Variants in SYN3 observed in about 807,000 individuals in gnomAD.
The protein encoded by SYN3 is synapsin III, also known as synapsin-3.
SYN3 carries 35 observed loss-of-function variants against 65.8 expected under a neutral mutation model. The ratio of observed to expected loss-of-function variants is 0.53; its 90% confidence interval spans 0.41 to 0.70. The LOEUF (loss-of-function observed/expected upper bound fraction) is 0.70. SYN3 is among the 30% of genes least tolerant of loss of function. The pLI is 0.00. For synonymous variants in SYN3, 270 were observed against 292.9 expected (o/e 0.92, Z 0.80); for missense variants, 680 against 749.0 (o/e 0.91, Z 1.08).
At chr22:32,830,794 G>C (rs1214707346) in intron 6 of SYN3, among the ~76,000 whole-genome samples, 1 of 152,154 alleles carries the variant, frequency 6.6e-6, no homozygotes, top group Non-Finnish European at 1.5e-5. Flanking sequence ...ACGCTTCTCT[G>C]TGGCCCCTGG....
intron 6 of SYN3, among the ~76,000 whole-genome samples, chr22:32,852,066 T>C (rs2048232961): frequency 6.6e-6 from 1 of 152,244 alleles, no homozygotes; most frequent in Admixed American, 6.5e-5. Context: ...GAGCAATTGC[T>C]TAGTGCCAGG....
At chr22:32,738,239 C>T (rs1323480694) in intron 6 of SYN3, among the ~76,000 whole-genome samples, 3 of 152,164 alleles carry the variant, frequency 2.0e-5, no homozygotes, top group Non-Finnish European at 4.4e-5. Flanking sequence ...GAAAGACTCT[C>T]TCTGGGAGGC....
At chr22:32,824,329 C>T (rs1170440722) in intron 6 of SYN3, among the ~76,000 whole-genome samples, 5 of 143,416 alleles carry the variant, frequency 3.5e-5, no homozygotes. Context: ...CCTGAGCCAG[C>T]AGTTCCATCA....
At chr22:32,939,446 G>A (rs1024087028) in intron 3 of SYN3, among the ~76,000 whole-genome samples, 1 of 152,148 alleles carries the variant, frequency 6.6e-6, no homozygotes, top group South Asian at 2.1e-4. Context: ...TATTTATGCT[G>A]TGTAATCAAT....
At chr22:32,846,940 G>A (rs1210100736) in intron 6 of SYN3, among the ~76,000 whole-genome samples, 1 of 152,230 alleles carries the variant, frequency 6.6e-6, no homozygotes, top group African/African-American at 2.4e-5. Flanking sequence ...GGAGTTGGCT[G>A]GTTGTATGTG....
intron 6 of SYN3, among the ~76,000 whole-genome samples, chr22:32,797,090 T>G (rs1253073827): frequency 1.3e-5 from 2 of 152,114 alleles, no homozygotes; most frequent in African/African-American, 4.8e-5. Flanking sequence ...TGTGGAATTG[T>G]GCTCTCCCGC....
rs921769202 is a variant in SYN3 at position 33,006,791 on chromosome 22, C to T, written c.-129G>A. 4.5e-6 allele frequency: 4 copies of T among 890,490 alleles called. No individual in the cohort carries two copies. The highest frequency in any genetic ancestry group is 1.7e-5 in the African/African-American group (1 of 59,774). 55.2% of individuals were successfully genotyped at this position (890,490 alleles called of 1,614,324 possible). ...GAAGAGCCAGGGGGATTTTGCGCAA[C>T]CAGCAGTCAGCTTTAGCTGCCTTTA... On this transcript the variant is annotated 5_prime_UTR_variant, in exon 2 of 14. Transcript: ENST00000358763.
intron 7 of SYN3, among the ~76,000 whole-genome samples, chr22:32,557,852 C>G (rs2058525711): frequency 6.6e-6 from 1 of 152,230 alleles, no homozygotes; most frequent in Non-Finnish European, 1.5e-5. Context: ...TCTCTGCCCC[C>G]AGAAAGTTCT....
At chr22:32,687,139 G>A (rs1222383909) in intron 6 of SYN3, among the ~76,000 whole-genome samples, 2 of 151,874 alleles carry the variant, frequency 1.3e-5, no homozygotes, top group Non-Finnish European at 2.9e-5. Flanking sequence ...TACCCAGTAG[G>A]TCTTGTTTTT....
intron 4 of SYN3, among the ~76,000 whole-genome samples, chr22:32,925,387 G>A (rs570883869): frequency 6.6e-6 from 1 of 152,292 alleles, no homozygotes; most frequent in East Asian, 1.9e-4. Context: ...ACTACGAGTT[G>A]AGACTTCATC....
intron 6 of SYN3, among the ~76,000 whole-genome samples, chr22:32,834,609 G>A (rs747271911): frequency 6.6e-6 from 1 of 152,198 alleles, no homozygotes; most frequent in Non-Finnish European, 1.5e-5. Flanking sequence ...TGTATGTTTT[G>A]CAGATACTCT....
At chr22:32,877,113 C>T (rs571418721) in intron 4 of SYN3, among the ~76,000 whole-genome samples, 11 of 152,326 alleles carry the variant, frequency 7.2e-5, no homozygotes, top group Non-Finnish European at 1.3e-4. Context: ...TTCCAATGTG[C>T]CCTCTGCTCC....
At chr22:32,617,476 CTT>C (rs879649441) in intron 6 of SYN3, among the ~76,000 whole-genome samples, 5 of 139,520 alleles carry the variant, frequency 3.6e-5, no homozygotes, top group Admixed American at 7.2e-5. Context: ...CTTTTTTTTT[CTT>C]TTTTTTTTTT....
intron 6 of SYN3, among the ~76,000 whole-genome samples, chr22:32,615,589 T>G (rs1159837179): frequency 6.6e-6 from 1 of 151,592 alleles, no homozygotes; most frequent in African/African-American, 2.4e-5. Context: ...AGTCACAAGG[T>G]GGGAACGCCA....
At chr22:33,010,257 C>T (rs1322611749) in intron 1 of SYN3, among the ~76,000 whole-genome samples, 1 of 151,990 alleles carries the variant, frequency 6.6e-6, no homozygotes, top group East Asian at 1.9e-4. Context: ...ATCTGCCAAC[C>T]CCAAGATCAC....
intron 7 of SYN3, among the ~76,000 whole-genome samples, chr22:32,589,982 A>G (rs2059105670): frequency 6.6e-6 from 1 of 152,182 alleles, no homozygotes; most frequent in Non-Finnish European, 1.5e-5. Context: ...CTAAGAGTGA[A>G]TTACATTTTT....
intron 6 of SYN3, among the ~76,000 whole-genome samples, chr22:32,762,745 G>A (rs1465884846): frequency 2.0e-5 from 3 of 152,210 alleles, no homozygotes; most frequent in East Asian, 1.9e-4. Context: ...TTGGGGGCAC[G>A]CCCTGGTTCC....
chr22:32,843,835 C>T (rs1007714396), intron 6 of SYN3, among the ~76,000 whole-genome samples: 2 of 152,132 alleles, frequency 1.3e-5, no homozygotes, highest in East Asian at 1.9e-4. Flanking sequence ...ACTAACCAGA[C>T]GTCCCTTACT....
At chr22:32,974,753 G>C (rs2052131186) in intron 3 of SYN3, among the ~76,000 whole-genome samples, 1 of 152,088 alleles carries the variant, frequency 6.6e-6, no homozygotes, top group Non-Finnish European at 1.5e-5. Flanking sequence ...AGGTTTTAGG[G>C]GAGTAGCAAT....
Sources: allele counts gnomAD v4.1 joint callset (sites outside exome capture counted in the v4.1 genomes callset), GRCh38; gene constraint gnomAD v4.1.1; transcripts MANE v1.5; gene names NCBI Gene and HGNC (gene_info 2026-07-23, HGNC 2026-07-21).